The following ATP8A2 variants were observed in gnomAD, a reference collection of about 807,000 sequenced individuals.
The protein encoded by ATP8A2 is phospholipid-transporting ATPase IB.
In ATP8A2, 100 loss-of-function variants were observed where a neutral mutation model predicts 165.6. The observed-to-expected ratio is 0.60, with a 90% confidence interval of 0.51 to 0.71. The LOEUF (loss-of-function observed/expected upper bound fraction) is 0.71. Among genes scored for constraint, ATP8A2 ranks in the 30% least tolerant of loss-of-function variants. The pLI is 0.00. For missense variants in ATP8A2, 1,227 were observed against 1,479.5 expected (o/e 0.83, Z 2.80); for synonymous variants, 543 against 548.8 (o/e 0.99, Z 0.15).
chr13:25,419,319 G>A (rs924675523), intron 1 of ATP8A2, among the ~76,000 whole-genome samples: 1 of 152,098 alleles, frequency 6.6e-6, no homozygotes, highest in Non-Finnish European at 1.5e-5. Context: ...GCTATTGTAG[G>A]GGAGTAGAAT....
chr13:26,010,383 AGCCTAGTCCT>A (rs1346578417), intron 35 of ATP8A2, among the ~76,000 whole-genome samples: 1 of 152,238 alleles, frequency 6.6e-6, no homozygotes, highest in African/African-American at 2.4e-5. Flanking sequence ...ATGGGGGCAG[AGCCTAGTCCT>A]GCATGGTCTC....
chr13:25,793,412 A>G (rs903644360), intron 27 of ATP8A2, among the ~76,000 whole-genome samples: 4 of 152,210 alleles, frequency 2.6e-5, no homozygotes, highest in African/African-American at 9.7e-5. Context: ...TTTCTACATG[A>G]CATGGTAACA....
chr13:25,725,041 G>A (rs3117849), intron 25 of ATP8A2, among the ~76,000 whole-genome samples: 5,802 of 152,260 alleles, frequency 0.038, 174 homozygotes, highest in East Asian at 0.12. Flanking sequence ...CCCAGAGTCT[G>A]TCATCTATCA....
intron 25 of ATP8A2, among the ~76,000 whole-genome samples, chr13:25,727,259 A>T (rs556898123): frequency 6.6e-6 from 1 of 152,346 alleles, no homozygotes; most frequent in African/African-American, 2.4e-5. Context: ...GTAGTCTTGG[A>T]AATATTTTTG....
Position 25,616,439 on chromosome 13 carries a change from C to T in ATP8A2, c.2211+26740C>T, listed in dbSNP as rs142373919. On this transcript the variant is annotated intron_variant, in intron 24 of 36. Transcript: ENST00000381655. ...CTCCGCCTCCTGGGTTCAAGTGATTCTCCTGCCTCAGCCTCCCAAGTAACT... is the reference window on the plus strand; with the variant it reads ...CTCCGCCTCCTGGGTTCAAGTGATTTTCCTGCCTCAGCCTCCCAAGTAACT... Among the ~76,000 whole-genome samples, 750 of 147,472 alleles carry T rather than the reference C, an allele frequency of 5.1e-3. 7 individuals are homozygous for T. Among genetic ancestry groups the T allele is most frequent in the South Asian group, 0.021 (94 of 4,550 alleles).
At chr13:25,808,598 CAA>C (rs772182999) in intron 27 of ATP8A2, among the ~76,000 whole-genome samples, 4 of 131,366 alleles carry the variant, frequency 3.0e-5, no homozygotes, top group African/African-American at 2.8e-5. Flanking sequence ...GACTCCATCT[CAA>C]AAAAAAAAAA....
intron 2 of ATP8A2, among the ~76,000 whole-genome samples, chr13:25,524,752 AGTCT>A (rs2037781788): frequency 1.3e-5 from 2 of 151,876 alleles, no homozygotes; most frequent in African/African-American, 4.8e-5. Flanking sequence ...CATATAGCTG[AGTCT>A]TGTTTCTTTA....
At chr13:25,847,534 G>A (rs1415129272) in intron 30 of ATP8A2, among the ~76,000 whole-genome samples, 1 of 152,160 alleles carries the variant, frequency 6.6e-6, no homozygotes, top group Non-Finnish European at 1.5e-5. Context: ...TGGGTTTGGT[G>A]TAATGTTGTA....
chr13:25,513,376 C>G (rs1212192185), intron 2 of ATP8A2, among the ~76,000 whole-genome samples: 4 of 151,206 alleles, frequency 2.6e-5, no homozygotes, highest in South Asian at 2.1e-4. Flanking sequence ...CGGGCAGAGA[C>G]GCTTCTCACT....
chr13:25,691,418 A>G (rs1227945310), intron 24 of ATP8A2, among the ~76,000 whole-genome samples: 6 of 152,252 alleles, frequency 3.9e-5, no homozygotes, highest in South Asian at 2.1e-4. Context: ...TGTGAATTCA[A>G]TAAATTGGGT....
intron 24 of ATP8A2, among the ~76,000 whole-genome samples, chr13:25,614,238 A>G (rs2040764542): frequency 6.6e-6 from 1 of 151,740 alleles, no homozygotes; most frequent in Non-Finnish European, 1.5e-5. Flanking sequence ...GTATTGTTGG[A>G]TTGTGTTAAT....
intron 27 of ATP8A2, among the ~76,000 whole-genome samples, chr13:25,782,866 A>C (rs2044918182): frequency 2.0e-5 from 3 of 151,948 alleles, no homozygotes; most frequent in Admixed American, 2.0e-4. Flanking sequence ...CAGCCTCCCG[A>C]GTAGCTGGGA....
In ATP8A2 at chr13:26,019,873, G is replaced by A. The variant is rs1593727040; in HGVS notation, c.3470-15G>A. 6.9e-6 allele frequency: 11 copies of A among 1,594,240 alleles called. No homozygotes were observed. In the East Asian group the frequency reaches 2.5e-4, roughly 36 times the overall value. ...TCTCCTGTTAACCAGTTTCTCCTGT[G>A]TGCTTCACTTTCAGATGGGTATGCT... On this transcript the variant is annotated splice_polypyrimidine_tract_variant and intron_variant, in intron 36 of 36. Transcript: ENST00000381655.
chr13:25,752,369 G>C (rs1016513982), intron 25 of ATP8A2, among the ~76,000 whole-genome samples: 1 of 152,030 alleles, frequency 6.6e-6, no homozygotes, highest in Non-Finnish European at 1.5e-5. Flanking sequence ...ACTGAGGCAG[G>C]AGAATCGCTT....
intron 1 of ATP8A2, among the ~76,000 whole-genome samples, chr13:25,463,640 A>G (rs1010537760): frequency 5.9e-5 from 9 of 152,184 alleles, no homozygotes; most frequent in Non-Finnish European, 1.3e-4. Flanking sequence ...ATTGCCACGC[A>G]CACATTCCAA....
chr13:25,881,677 C>A (rs1952984074), intron 33 of ATP8A2, among the ~76,000 whole-genome samples: 1 of 152,010 alleles, frequency 6.6e-6, no homozygotes, highest in African/African-American at 2.4e-5. Flanking sequence ...CAGAAGTCAC[C>A]ATTTGCCTGT....
chr13:25,977,628 G>A (rs1475316746), intron 35 of ATP8A2, among the ~76,000 whole-genome samples: 2 of 152,106 alleles, frequency 1.3e-5, no homozygotes, highest in Non-Finnish European at 2.9e-5. Flanking sequence ...AATTCCAAGA[G>A]CCTGTTGTTG....
chr13:25,901,673 G>A (rs534969151), intron 33 of ATP8A2, among the ~76,000 whole-genome samples: 85 of 152,202 alleles, frequency 5.6e-4, no homozygotes, highest in African/African-American at 1.0e-3. Flanking sequence ...TAAAATTGGC[G>A]CTGATAACAA....
intron 34 of ATP8A2, among the ~76,000 whole-genome samples, chr13:25,963,984 A>G (rs1184162340): frequency 6.6e-6 from 1 of 152,262 alleles, no homozygotes; most frequent in Admixed American, 6.5e-5. Context: ...GAGCTTGCCA[A>G]CTGGGTCAGA....
Sources: gnomAD v4.1 joint callset for allele counts (sites outside exome capture counted in the v4.1 genomes callset) on GRCh38, gnomAD v4.1.1 for gene constraint, MANE v1.5 for transcripts, NCBI Gene and HGNC (gene_info 2026-07-23, HGNC 2026-07-21) for gene names.